The following PLEKHG1 variants were observed in gnomAD, a reference collection of about 807,000 sequenced individuals.
The protein encoded by PLEKHG1 is pleckstrin homology and RhoGEF domain containing G1, also known as pleckstrin homology domain-containing family G member 1.
PLEKHG1 carries 44 observed loss-of-function variants against 100.8 expected under a neutral mutation model. The observed-to-expected ratio is 0.44, with a 90% CI of 0.34 to 0.56. The LOEUF is 0.56. Among genes scored for constraint, PLEKHG1 ranks in the 20% least tolerant of loss-of-function variants. The probability of loss-of-function intolerance (pLI) is 0.01; values close to 1 mark genes in which losing one functional copy is unlikely to be tolerated. For missense variants in PLEKHG1, 1,545 were observed against 1,720.9 expected, an observed-to-expected ratio of 0.90 and a Z score of 1.81; for synonymous variants, 640 against 662.5, an observed-to-expected ratio of 0.97 and a Z score of 0.52.
Position 150,805,647 on chromosome 6 carries a change from C to A in PLEKHG1, c.912+906C>A, listed in dbSNP as rs535797833. ...GGTTCAAGCGATCCTCCTGCCTCAGCCTCCTTGGTAGTTGGGATTACAGGG... is the reference window on the plus strand; with the variant it reads ...GGTTCAAGCGATCCTCCTGCCTCAGACTCCTTGGTAGTTGGGATTACAGGG... On this transcript the variant is annotated intron_variant, in intron 7 of 15. Transcript: ENST00000358517. 3.9e-5 allele frequency among the ~76,000 whole-genome samples: 6 copies of A among 152,214 alleles called. No homozygotes were observed. In the South Asian group the frequency reaches 8.3e-4, roughly 21 times the overall value.
intron 7 of PLEKHG1, among the ~76,000 whole-genome samples, chr6:150,808,684 G>A (rs1470101022): frequency 6.6e-6 from 1 of 152,096 alleles, no homozygotes; most frequent in Non-Finnish European, 1.5e-5. Context: ...ACCGGGAGGT[G>A]GAGGTTGCAG....
chr6:150,835,163 A>G (rs1321900190), intron 15 of PLEKHG1, among the ~76,000 whole-genome samples: 1 of 151,928 alleles, frequency 6.6e-6, no homozygotes, highest in South Asian at 2.1e-4. Context: ...CTGCCTATAA[A>G]TCACCCAACC....
At chr6:150,611,087 C>T (rs561886031) in intron 1 of PLEKHG1, among the ~76,000 whole-genome samples, 63 of 152,328 alleles carry the variant, frequency 4.1e-4, no homozygotes, top group Non-Finnish European at 1.2e-4. Context: ...CATACTCATC[C>T]TTCTGTTCCC....
rs1777622737 is a variant in PLEKHG1 at position 150,843,560 on chromosome 6, T to C, written c.*2664T>C. ...TTTACTTTTCACCTGCTCTATTCTT[T>C]GTGGGGAAAAAATGCATCTAGAAAA... On this transcript the variant is annotated 3_prime_UTR_variant, in exon 16 of 16. Coordinates refer to ENST00000358517, the Ensembl canonical transcript of PLEKHG1. 2.1e-5 allele frequency: 3 copies of C among 145,826 alleles called. No individual in the cohort carries two copies. The South Asian group carries it at 6.4e-4, about 31-fold the overall frequency. 9.0% of individuals were successfully genotyped at this position (145,826 alleles called of 1,614,324 possible).
Position 150,763,831 on chromosome 6 carries a change from C to T in PLEKHG1, c.412-4807C>T, listed in dbSNP as rs527658501. 2.0e-5 allele frequency among the ~76,000 whole-genome samples: 3 copies of T among 152,308 alleles called. No homozygotes were observed. The South Asian group carries it at 6.2e-4, about 32-fold the overall frequency. The stretch of plus-strand genomic sequence containing the variant: ...ATGCCACAGTGGATGAGAAAGCATC[C>T]TTCCTGGGAGCTGGTGAAACAGCAG... On this transcript the variant is annotated intron_variant, in intron 2 of 15. Transcript: ENST00000358517.
intron 3 of PLEKHG1, among the ~76,000 whole-genome samples, chr6:150,699,565 T>TC (rs1389214906): frequency 6.6e-6 from 1 of 152,126 alleles, no homozygotes; most frequent in Non-Finnish European, 1.5e-5. Context: ...AGCCCTGGGT[T>TC]CCCCCAAATA....
chr6:150,613,097 G>A (rs1383617065), intron 1 of PLEKHG1, among the ~76,000 whole-genome samples: 6 of 151,986 alleles, frequency 3.9e-5, no homozygotes, highest in African/African-American at 1.5e-4. Context: ...TACTCACTCT[G>A]CATCAGCCCA....
chr6:150,640,085 T>C (rs1285834310), intron 2 of PLEKHG1, among the ~76,000 whole-genome samples: 1 of 152,266 alleles, frequency 6.6e-6, no homozygotes. Flanking sequence ...GCCACTGCTT[T>C]CCCTGTAGGG....
chr6:150,734,124 T>G (rs1385448952), intron 2 of PLEKHG1, 32 bp downstream of exon 3: 5 of 1,575,934 alleles, frequency 3.2e-6, no homozygotes, highest in Non-Finnish European at 4.3e-6. Flanking sequence ...ATGTTTGCCA[T>G]GCAGGAGAAA....
Position 150,668,650 on chromosome 6 carries a change from G to A in PLEKHG1, c.-99+17864G>A, listed in dbSNP as rs180978919. ...TGGGCGCAGTGTTCCTAATCAGGCCGGACCTGAAACTCTAGCACAAAGGAC... is the reference window on the plus strand; with the variant it reads ...TGGGCGCAGTGTTCCTAATCAGGCCAGACCTGAAACTCTAGCACAAAGGAC... On this transcript the variant is annotated intron_variant, in intron 3 of 3. Transcript: ENST00000367326. Among the ~76,000 whole-genome samples, 472 of 152,238 alleles carry A rather than the reference G, an allele frequency of 3.1e-3. 5 individuals carry two copies. The highest frequency in any genetic ancestry group is 0.011 in the African/African-American group (440 of 41,530).
intron 3 of PLEKHG1, among the ~76,000 whole-genome samples, chr6:150,671,459 G>A (rs749183228): frequency 6.6e-6 from 1 of 152,142 alleles, no homozygotes; most frequent in Non-Finnish European, 1.5e-5. Flanking sequence ...AGCCATTATG[G>A]GTAAGAAGGA....
chr6:150,785,269 A>C (rs1583126037), intron 3 of PLEKHG1, among the ~76,000 whole-genome samples: 1 of 152,380 alleles, frequency 6.6e-6, no homozygotes, highest in East Asian at 1.9e-4. Flanking sequence ...GCTTGTTTTT[A>C]TCATAATTCC....
intron 3 of PLEKHG1, among the ~76,000 whole-genome samples, chr6:150,711,179 A>G (rs1356890602): frequency 1.3e-5 from 2 of 152,154 alleles, no homozygotes; most frequent in South Asian, 2.1e-4. Context: ...TGGAAGCAGT[A>G]GGAAAGTATG....
chr6:150,766,969 A>G (rs947869066), intron 2 of PLEKHG1, among the ~76,000 whole-genome samples: 6 of 150,204 alleles, frequency 4.0e-5, no homozygotes, highest in Non-Finnish European at 8.8e-5. Context: ...GCCCATCCAC[A>G]TCCTTCTGTT....
At chr6:150,798,402 A>G (rs1398990377) in intron 5 of PLEKHG1, among the ~76,000 whole-genome samples, 1 of 152,218 alleles carries the variant, frequency 6.6e-6, no homozygotes, top group African/African-American at 2.4e-5. Flanking sequence ...CAAAATTGCA[A>G]ATTCAGAAGA....
chr6:150,825,161 T>C (rs1371497705), intron 14 of PLEKHG1, among the ~76,000 whole-genome samples: 1 of 152,170 alleles, frequency 6.6e-6, no homozygotes, highest in African/African-American at 2.4e-5. Flanking sequence ...AACCAAACCT[T>C]ATGAAATAAA....
rs146007694 is a variant in PLEKHG1, at chr6:150,669,033, C to T, written c.-99+18247C>T. Among the ~76,000 whole-genome samples the T allele has an allele frequency of 3.3e-3, 501 of 152,150 alleles. 3 individuals are homozygous for T. Among genetic ancestry groups the T allele is most frequent in the African/African-American group, 0.012 (484 of 41,514 alleles). Reference sequence around the variant, plus strand: ...TATTTTTAAACAGTTTAACTAGGGCCTTTTTTTGCAGGCTTTTCTTTGTTT... The same window carrying T: ...TATTTTTAAACAGTTTAACTAGGGCTTTTTTTTGCAGGCTTTTCTTTGTTT... On this transcript the variant is annotated intron_variant, in intron 3 of 3. Coordinates refer to the PLEKHG1 transcript ENST00000367326.
chr6:150,804,076 T>C (rs73783116), intron 6 of PLEKHG1, among the ~76,000 whole-genome samples: 2,423 of 146,728 alleles, frequency 0.017, 69 homozygotes, highest in African/African-American at 0.058. Flanking sequence ...TTGTTTTTTT[T>C]TTTCCCCTTG....
rs1052958237 is a variant in PLEKHG1, at chr6:150,691,682, G to A, written c.-99+40896G>A. On this transcript the variant is annotated intron_variant, in intron 3 of 3. Coordinates refer to the PLEKHG1 transcript ENST00000367326. ...CATTTCCGTCATTATGTCAGCTGGGGAAGAGCCTCTTCTTCTATCAATAGA... is the reference window on the plus strand; with the variant it reads ...CATTTCCGTCATTATGTCAGCTGGGAAAGAGCCTCTTCTTCTATCAATAGA... Among the ~76,000 whole-genome samples, 101 of 152,312 alleles carry A rather than the reference G, an allele frequency of 6.6e-4. 1 individual carries two copies. Among genetic ancestry groups the A allele is most frequent in the East Asian group, 5.8e-4 (3 of 5,196 alleles).
Sources: allele counts gnomAD v4.1 joint callset (sites outside exome capture counted in the v4.1 genomes callset), GRCh38; gene constraint gnomAD v4.1.1; transcripts MANE v1.5; gene names NCBI Gene and HGNC (gene_info 2026-07-23, HGNC 2026-07-21).